TNC: variants seen among roughly 807,000 people sequenced by gnomAD.
The protein encoded by TNC is tenascin C, also known as tenascin.
In TNC, 109 loss-of-function variants were observed where a neutral mutation model predicts 202.4. The observed-to-expected ratio is 0.54, with a 90% CI of 0.46 to 0.63. The LOEUF is 0.63. Ranked by LOEUF, TNC falls within the 30% of genes least tolerant of loss-of-function variation. TNC has a pLI of 0.00. For synonymous variants in TNC, 1,007 were observed against 1,089.7 expected (o/e 0.92, Z 1.50); for missense variants, 2,756 against 2,833.3 (o/e 0.97, Z 0.62).
chr9:115,074,368 C>T (rs1284579116), intron 9 of TNC, among the ~76,000 whole-genome samples: 3 of 152,146 alleles, frequency 2.0e-5, no homozygotes, highest in African/African-American at 7.2e-5. Context: ...ATAAAAGAGA[C>T]CTTGCCCCTT....
At chr9:115,101,908 CATAATA>C (rs1308785130) in intron 1 of TNC, among the ~76,000 whole-genome samples, 1 of 152,042 alleles carries the variant, frequency 6.6e-6, no homozygotes, top group Non-Finnish European at 1.5e-5. Context: ...AAGAAGTTGA[CATAATA>C]ATAATAATCA....
intron 1 of TNC, among the ~76,000 whole-genome samples, chr9:115,114,666 C>G (rs533457494): frequency 1.3e-4 from 20 of 152,272 alleles, no homozygotes; most frequent in Admixed American, 2.6e-4. Context: ...TGAAAGACAC[C>G]ATTTAAGGTT....
rs200401362 is a variant in TNC at position 115,078,036 on chromosome 9, C to G, written c.2581G>C (p.Gly861Arg). 33 of 1,614,168 alleles carry G rather than the reference C, an allele frequency of 2.0e-5. No homozygotes were observed. The highest frequency in any genetic ancestry group is 8.9e-5 in the East Asian group (4 of 44,874). The change falls in exon 7 of 28, where the codon GGG (glycine) becomes CGG (arginine). Residue 861 changes from glycine to arginine, a missense_variant. Gly to Arg is a moderately radical substitution (Grantham distance 125, BLOSUM62 -2). Transcript: ENST00000350763. Reference sequence around the variant, plus strand: ...TACTCAGTGTCAGGCTTCAGGTTCCCGATGGAGTACTGGTTCTCGTCCTCT... The same window carrying G: ...TACTCAGTGTCAGGCTTCAGGTTCCGGATGGAGTACTGGTTCTCGTCCTCT... Reference protein sequence around the residue: ...LTEDENQYSIGNLKPDTEYEV... With the variant: ...LTEDENQYSIRNLKPDTEYEV...
chr9:115,082,034 G>A (rs1016084137), intron 5 of TNC, 106 bp from the exon 6 acceptor site: 112 of 1,091,556 alleles, frequency 1.0e-4, no homozygotes, highest in Non-Finnish European at 1.4e-4. Context: ...TTCTTTCATC[G>A]ATTCATTAGG....
At chr9:115,033,874 T>A (rs1830126461) in intron 22 of TNC, among the ~76,000 whole-genome samples, 1 of 152,126 alleles carries the variant, frequency 6.6e-6, no homozygotes, top group Non-Finnish European at 1.5e-5. Flanking sequence ...TGAAGAAGGC[T>A]GAGGTTAACT....
At chr9:115,090,204 C>T (rs1044934043) in intron 2 of TNC, among the ~76,000 whole-genome samples, 1 of 152,086 alleles carries the variant, frequency 6.6e-6, no homozygotes, top group African/African-American at 2.4e-5. Flanking sequence ...TCAGAGAGTG[C>T]TCTCTGGGGT....
intron 24 of TNC, 77 bp from the exon 25 acceptor site, chr9:115,029,533 T>C: frequency 1.4e-6 from 2 of 1,402,882 alleles, no homozygotes; most frequent in East Asian, 2.3e-5. Flanking sequence ...GGAAGGAGTG[T>C]GGCACTGTGG....
intron 15 of TNC, among the ~76,000 whole-genome samples, chr9:115,052,515 T>G (rs994879046): frequency 1.5e-5 from 2 of 135,622 alleles, no homozygotes; most frequent in Admixed American, 7.0e-5. Flanking sequence ...ATAAATAAGG[T>G]GAGGTGATTG....
At chr9:115,063,696 G>T in intron 12 of TNC, 100 bp downstream of exon 12, 1 of 1,267,074 alleles carries the variant, frequency 7.9e-7, no homozygotes, top group Non-Finnish European at 1.1e-6. Context: ...TTTCCCCAAT[G>T]TGGTAGGAGC....
At chr9:115,085,745 A>T in intron 3 of TNC, 119 bp downstream of exon 3, 2 of 985,016 alleles carry the variant, frequency 2.0e-6, no homozygotes, top group Non-Finnish European at 2.9e-6. Context: ...TGGATATATT[A>T]ATACGTACAA....
chr9:115,083,051 G>C (rs1335344816), intron 4 of TNC, among the ~76,000 whole-genome samples: 2 of 152,188 alleles, frequency 1.3e-5, no homozygotes, highest in Admixed American at 6.5e-5. Flanking sequence ...ATGAACGCAG[G>C]CTTTGGAATC....
At chr9:115,105,679 G>T (rs2183701) in intron 1 of TNC, among the ~76,000 whole-genome samples, 55,993 of 151,980 alleles carry the variant, frequency 0.37, 11,607 homozygotes, top group East Asian at 0.61. Context: ...CCCTTAACTT[G>T]GCTTTAACTT....
intron 15 of TNC, among the ~76,000 whole-genome samples, chr9:115,052,393 A>G (rs1831759296): frequency 6.6e-6 from 1 of 151,944 alleles, no homozygotes; most frequent in Non-Finnish European, 1.5e-5. Context: ...ACTGCACAGC[A>G]TGGTGACTGG....
chr9:115,033,297 C>A (rs1830081214), intron 22 of TNC, among the ~76,000 whole-genome samples: 1 of 152,024 alleles, frequency 6.6e-6, no homozygotes, highest in Admixed American at 6.6e-5. Flanking sequence ...CATTTAATAC[C>A]CAGAGGCCTT....
At chr9:115,083,753 C>T (rs888124762) in intron 4 of TNC, among the ~76,000 whole-genome samples, 1 of 152,056 alleles carries the variant, frequency 6.6e-6, no homozygotes, top group African/African-American at 2.4e-5. Context: ...TACAGGCATG[C>T]ACCACCAGGC....
Position 115,042,177 on chromosome 9 carries a change from C to T in TNC, c.5248+42G>A, listed in dbSNP as rs779317030. 6.3e-6 allele frequency: 10 copies of T among 1,597,318 alleles called. No individual in the cohort carries two copies. In the East Asian group the frequency reaches 2.2e-4, roughly 36 times the overall value. On this transcript the variant is annotated intron_variant, in intron 18 of 27. Transcript: ENST00000350763. ...GTCTTTTTCATGAATCCATCCAAAC[C>T]CACAACACTCCTCCTCTCTCTCCCC...
chr9:115,048,060 C>T (rs1046301246), intron 16 of TNC, among the ~76,000 whole-genome samples, 200 bp downstream of exon 16: 1 of 152,110 alleles, frequency 6.6e-6, no homozygotes, highest in African/African-American at 2.4e-5. Context: ...TCGACCTTCT[C>T]ATTTCTGGGG....
At chr9:115,081,401 T>C (rs1189908462) in intron 6 of TNC, among the ~76,000 whole-genome samples, 2 of 152,162 alleles carry the variant, frequency 1.3e-5, no homozygotes, top group Non-Finnish European at 2.9e-5. Flanking sequence ...TGTGCTTTGA[T>C]AGAAGTGATC....
chr9:115,040,538 C>A (rs113156531), intron 19 of TNC, among the ~76,000 whole-genome samples: 1 of 152,146 alleles, frequency 6.6e-6, no homozygotes, highest in South Asian at 2.1e-4. Context: ...GTGATCCTTA[C>A]CATACCCTGT....
Sources: gnomAD v4.1 joint callset for allele counts (sites outside exome capture counted in the v4.1 genomes callset) on GRCh38, gnomAD v4.1.1 for gene constraint, MANE v1.5 for transcripts, NCBI Gene and HGNC (gene_info 2026-07-23, HGNC 2026-07-21) for gene names.